The following DNAH8 variants were observed in gnomAD, a reference collection of about 807,000 sequenced individuals.
DNAH8 encodes the protein dynein axonemal heavy chain 8.
DNAH8 carries 382 observed loss-of-function variants against 562.1 expected under a neutral mutation model. The ratio of observed to expected loss-of-function variants is 0.68; its 90% CI spans 0.63 to 0.74. The LOEUF (loss-of-function observed/expected upper bound fraction) is 0.74. Among genes scored for constraint, DNAH8 ranks in the 30% least tolerant of loss-of-function variants. The probability of loss-of-function intolerance (pLI) is 0.00; values close to 1 mark genes in which losing one functional copy is unlikely to be tolerated. For synonymous variants in DNAH8, 1,881 were observed against 1,919.4 expected (o/e 0.98, Z 0.52); for missense variants, 5,203 against 5,620.4 (o/e 0.93, Z 2.37).
At chr6:38,947,286 C>T (rs1025852874) in intron 80 of DNAH8, among the ~76,000 whole-genome samples, 8 of 152,230 alleles carry the variant, frequency 5.3e-5, no homozygotes, top group African/African-American at 1.9e-4. Flanking sequence ...AGTCAGGTGG[C>T]CATCAGTCTG....
Position 38,898,246 on chromosome 6 carries a change from C to G in DNAH8, c.8941-12C>G, listed in dbSNP as rs745562104. ...TTAAATATTATTTTTTTATCTTTCT[C>G]TCCACCCATAGATGCCATCCTTTGA... On this transcript the variant is annotated splice_polypyrimidine_tract_variant and intron_variant, in intron 60 of 92. Transcript: ENST00000327475. The G allele has an allele frequency of 6.3e-6, 10 of 1,575,532 alleles. No individual in the cohort carries two copies.
intron 83 of DNAH8, 151 bp from the exon 84 acceptor site, chr6:38,973,510 C>A: frequency 1.7e-6 from 1 of 593,662 alleles, no homozygotes; most frequent in Non-Finnish European, 2.9e-6. Context: ...TGTACCATAG[C>A]AGGAGAAATG....
intron 12 of DNAH8, among the ~76,000 whole-genome samples, chr6:38,774,176 C>T (rs1767844520): frequency 6.6e-6 from 1 of 152,122 alleles, no homozygotes; most frequent in African/African-American, 2.4e-5. Context: ...TTTCCCAGAG[C>T]TCTATCTTCA....
chr6:39,003,835 G>T (rs1475273995), intron 88 of DNAH8, among the ~76,000 whole-genome samples: 1 of 152,002 alleles, frequency 6.6e-6, no homozygotes, highest in Non-Finnish European at 1.5e-5. Flanking sequence ...ATTAAACATT[G>T]AATAAATACA....
rs945494866 is a variant in DNAH8 at position 38,804,718 on chromosome 6, A to G, written c.3035-763A>G. On this transcript the variant is annotated intron_variant, in intron 22 of 92. Coordinates refer to ENST00000327475, the MANE Select transcript of DNAH8 (RefSeq NM_001206927.2). ...AGCTGGCTTTTTGGAGTGAGAGAAC[A>G]TTCCAGTCAAGCAGAGATCCCATGA... is the stretch of plus-strand genomic sequence containing the variant. Among the ~76,000 whole-genome samples the G allele has an allele frequency of 1.3e-5, 2 of 151,744 alleles. 1 individual carries two copies. Among genetic ancestry groups the G allele is most frequent in the South Asian group, 4.2e-4 (2 of 4,802 alleles).
At chr6:38,997,488 G>A (rs1425108724) in intron 88 of DNAH8, among the ~76,000 whole-genome samples, 3 of 152,176 alleles carry the variant, frequency 2.0e-5, no homozygotes, top group East Asian at 3.9e-4. Context: ...GGGAACAGGA[G>A]TATGTTGGAG....
At position 38,834,659 on chromosome 6, in the gene DNAH8, T is replaced by A. The variant is rs1279054034; in HGVS notation, c.4365+18T>A. On this transcript the variant is annotated intron_variant, in intron 32 of 92. Transcript: ENST00000327475. ...TATTTCAGGTGAAACCACATTTTTT[T>A]TGTTACATCGACAATGTGTAATTTA... 1.8e-5 allele frequency: 28 copies of A among 1,583,456 alleles called. No homozygotes were observed. The highest frequency in any genetic ancestry group is 2.4e-5 in the Non-Finnish European group (28 of 1,160,332).
In DNAH8 at chr6:38,935,612, TA is replaced by T. The variant is rs1233134597; in HGVS notation, c.11481del (p.Lys3827AsnfsTer13). On this transcript the variant is annotated frameshift_variant, in exon 77 of 93. Transcript: ENST00000327475. LOFTEE classifies it high-confidence loss of function. ...EKQELEAERVKLLEDVTFNKR... is the reference protein window; with the variant it reads ...EKQELEAERVXLLEDVTFNKR... ...GACAGGAGTTAGAGGCTGAGAGGGTTAAACTTTTGGAGGATGTTACTTTTAA... is the reference window on the plus strand; with the variant it reads ...GACAGGAGTTAGAGGCTGAGAGGGTTAACTTTTGGAGGATGTTACTTTTAA... 1.2e-6 allele frequency: 2 copies of T among 1,612,970 alleles called. No individual in the cohort carries two copies. Among genetic ancestry groups the T allele is most frequent in the East Asian group, 4.5e-5 (2 of 44,774 alleles).
intron 21 of DNAH8, among the ~76,000 whole-genome samples, chr6:38,796,015 C>T (rs1026945707): frequency 6.6e-6 from 1 of 152,154 alleles, no homozygotes; most frequent in Non-Finnish European, 1.5e-5. Flanking sequence ...TCCTGTGATC[C>T]TAGGGCTGAT....
chr6:38,952,460 A>G (rs1193183655), intron 82 of DNAH8, among the ~76,000 whole-genome samples: 1 of 152,228 alleles, frequency 6.6e-6, no homozygotes, highest in Non-Finnish European at 1.5e-5. Flanking sequence ...TTCTAGGGTC[A>G]GGTATCTGTA....
At chr6:38,895,289 A>G (rs556049585) in intron 59 of DNAH8, among the ~76,000 whole-genome samples, 2 of 152,202 alleles carry the variant, frequency 1.3e-5, no homozygotes, top group Non-Finnish European at 2.9e-5. Flanking sequence ...GAGCATTGTC[A>G]TCATTTGCTG....
In DNAH8 at chr6:38,750,593, A is replaced by G. The variant is rs773906953; in HGVS notation, c.1407+4A>G. The G allele has an allele frequency of 7.1e-6, 11 of 1,551,768 alleles. No individual in the cohort carries two copies. In the East Asian group the frequency reaches 2.3e-4, roughly 32 times the overall value. On this transcript the variant is annotated splice_donor_region_variant and intron_variant, in intron 9 of 92. Transcript: ENST00000327475. ...ACCTCTCTATAACCATGACCTAGTA[A>G]GTATGCTTTTAAAGTACAATTTTAA...
At chr6:39,028,668 C>T (rs1767459205) in intron 92 of DNAH8, among the ~76,000 whole-genome samples, 1 of 152,120 alleles carries the variant, frequency 6.6e-6, no homozygotes, top group Admixed American at 6.5e-5. Context: ...TTCTATCTAC[C>T]ACACCTTCTC....
intron 57 of DNAH8, among the ~76,000 whole-genome samples, chr6:38,888,579 A>T (rs961020187): frequency 2.6e-5 from 4 of 152,238 alleles, no homozygotes; most frequent in Admixed American, 1.3e-4. Flanking sequence ...AAATGGGCAA[A>T]CAACTAAGGC....
intron 9 of DNAH8, among the ~76,000 whole-genome samples, chr6:38,752,160 C>T (rs1431406601): frequency 1.3e-5 from 2 of 151,100 alleles, no homozygotes; most frequent in African/African-American, 4.9e-5. Flanking sequence ...CTCTTTCCTT[C>T]CTCCCCCCAC....
At chr6:39,003,617 A>G (rs1011444904) in intron 88 of DNAH8, among the ~76,000 whole-genome samples, 6 of 152,166 alleles carry the variant, frequency 3.9e-5, no homozygotes, top group African/African-American at 7.2e-5. Context: ...AGATCATACC[A>G]TAACTGGGTT....
intron 71 of DNAH8, among the ~76,000 whole-genome samples, chr6:38,921,871 CA>C (rs1781730538): frequency 6.6e-6 from 1 of 151,846 alleles, no homozygotes; most frequent in Admixed American, 6.6e-5. Context: ...CGAAGGGAGA[CA>C]GGGGTGGGGC....
At chr6:38,791,132 C>G (rs907277007) in intron 20 of DNAH8, among the ~76,000 whole-genome samples, 1 of 152,162 alleles carries the variant, frequency 6.6e-6, no homozygotes, top group East Asian at 1.9e-4. Flanking sequence ...ATGTGCTGGT[C>G]TGTGTGTCAT....
At chr6:38,883,604 T>C (rs568745919) in intron 55 of DNAH8, 148 bp downstream of exon 55, 1 of 990,036 alleles carries the variant, frequency 1.0e-6, no homozygotes, top group African/African-American at 1.7e-5. Context: ...TTAGCTTTCC[T>C]AAGGCTAAGG....
Sources: gnomAD v4.1 joint callset for allele counts (sites outside exome capture counted in the v4.1 genomes callset) on GRCh38, gnomAD v4.1.1 for gene constraint, MANE v1.5 for transcripts, NCBI Gene and HGNC (gene_info 2026-07-23, HGNC 2026-07-21) for gene names.